Variants in CNTN4 observed in about 807,000 individuals in gnomAD.
The protein encoded by CNTN4 is contactin 4.
A neutral mutation model predicts 122.5 loss-of-function variants in CNTN4; 77 were observed. That is an observed-to-expected ratio of 0.63 (90% CI 0.52 to 0.76). The LOEUF (loss-of-function observed/expected upper bound fraction) is 0.76, where lower values mean the gene tolerates loss of function less well. CNTN4 is among the 30% of genes least tolerant of loss of function. The pLI, the probability that CNTN4 is intolerant of heterozygous loss-of-function variation, is 0.00. For missense variants in CNTN4, 1,256 were observed against 1,259.1 expected (o/e 1.00, Z 0.04); for synonymous variants, 512 against 447.0 (o/e 1.15, Z -1.83).
intron 2 of CNTN4, among the ~76,000 whole-genome samples, chr3:2,232,749 T>C (rs574315250): frequency 1.7e-4 from 26 of 152,272 alleles, no homozygotes; most frequent in Admixed American, 1.7e-3. Flanking sequence ...AGTGAAAATA[T>C]ATTTGTTTTC....
intron 4 of CNTN4, among the ~76,000 whole-genome samples, chr3:2,685,028 G>A (rs969409956): frequency 4.0e-4 from 61 of 152,148 alleles, no homozygotes; most frequent in African/African-American, 1.2e-3. Flanking sequence ...TTTACTTAGC[G>A]ATTAGCTTTT....
At chr3:2,886,142 T>C (rs1259564327) in intron 9 of CNTN4, among the ~76,000 whole-genome samples, 1 of 152,236 alleles carries the variant, frequency 6.6e-6, no homozygotes, top group Non-Finnish European at 1.5e-5. Flanking sequence ...AATTTGCAGC[T>C]ATCTTTAATT....
intron 16 of CNTN4, 38 bp downstream of exon 16, chr3:3,031,013 T>G: frequency 6.2e-7 from 1 of 1,613,448 alleles, no homozygotes; most frequent in Non-Finnish European, 8.5e-7. Context: ...CTTGAAATAT[T>G]TTCATGATAT....
chr3:2,920,361 A>G (rs1000631240), intron 12 of CNTN4, among the ~76,000 whole-genome samples: 5 of 79,302 alleles, frequency 6.3e-5, no homozygotes, highest in Non-Finnish European at 1.4e-4. Context: ...CCTTGTGACA[A>G]TAGAATAGTT....
At chr3:2,498,215 A>G (rs2076503764) in intron 3 of CNTN4, among the ~76,000 whole-genome samples, 1 of 152,202 alleles carries the variant, frequency 6.6e-6, no homozygotes. Context: ...TTGAATATAT[A>G]TGAATACTTA....
intron 4 of CNTN4, among the ~76,000 whole-genome samples, chr3:2,679,752 G>C (rs1170279974): frequency 6.6e-6 from 1 of 152,064 alleles, no homozygotes; most frequent in Non-Finnish European, 1.5e-5. Flanking sequence ...TATCTCCTGG[G>C]TCACTTCTTC....
At chr3:2,370,592 G>T (rs1291093943) in intron 3 of CNTN4, among the ~76,000 whole-genome samples, 1 of 152,060 alleles carries the variant, frequency 6.6e-6, no homozygotes, top group African/African-American at 2.4e-5. Context: ...CAAATGATTT[G>T]CATATTTTTC....
At chr3:2,882,356 A>T (rs2093921815) in intron 8 of CNTN4, among the ~76,000 whole-genome samples, 1 of 151,646 alleles carries the variant, frequency 6.6e-6, no homozygotes, top group Non-Finnish European at 1.5e-5. Context: ...ACAGAGCGAG[A>T]CTTCGTCTCG....
intron 2 of CNTN4, among the ~76,000 whole-genome samples, chr3:2,253,573 T>C (rs2040458392): frequency 6.6e-6 from 1 of 152,172 alleles, no homozygotes; most frequent in African/African-American, 2.4e-5. Context: ...TATAAGTTCC[T>C]GCTACTACTA....
chr3:2,582,429 G>C (rs2079985715), intron 4 of CNTN4, among the ~76,000 whole-genome samples: 2 of 151,806 alleles, frequency 1.3e-5, no homozygotes, highest in African/African-American at 4.8e-5. Context: ...CTCCGTTATG[G>C]AGCTTCCCTG....
intron 4 of CNTN4, among the ~76,000 whole-genome samples, chr3:2,707,528 C>T (rs2086814148): frequency 6.6e-6 from 1 of 152,108 alleles, no homozygotes; most frequent in South Asian, 2.1e-4. Context: ...TTGAAAGTCC[C>T]CTAATATTGC....
chr3:2,543,626 C>A (rs2078121789), intron 3 of CNTN4, among the ~76,000 whole-genome samples: 1 of 152,110 alleles, frequency 6.6e-6, no homozygotes, highest in Admixed American at 6.6e-5. Context: ...AAGACAATTT[C>A]ATTGCTCCAT....
At chr3:2,448,468 G>GT (rs770342516) in intron 3 of CNTN4, among the ~76,000 whole-genome samples, 9 of 152,290 alleles carry the variant, frequency 5.9e-5, no homozygotes, top group Middle Eastern at 3.4e-3. Flanking sequence ...AATGCAAGTG[G>GT]TGAAAACTCA....
chr3:2,807,210 G>A (rs1424084243), intron 6 of CNTN4, among the ~76,000 whole-genome samples: 2 of 152,140 alleles, frequency 1.3e-5, no homozygotes, highest in East Asian at 1.9e-4. Context: ...ATGAGCAATG[G>A]CATTTCTAAG....
chr3:3,045,543 C>T (rs1320317905), intron 23 of CNTN4, among the ~76,000 whole-genome samples: 1 of 152,246 alleles, frequency 6.6e-6, no homozygotes, highest in Non-Finnish European at 1.5e-5. Context: ...CTCCAGCAAA[C>T]TCCAGCAGAC....
intron 2 of CNTN4, among the ~76,000 whole-genome samples, chr3:2,122,944 G>T (rs2033896911): frequency 6.6e-6 from 1 of 152,136 alleles, no homozygotes; most frequent in South Asian, 2.1e-4. Context: ...CTCAGTTCAA[G>T]GTTGCCATGT....
At chr3:2,579,375 G>T (rs773662963) in intron 4 of CNTN4, among the ~76,000 whole-genome samples, 1 of 152,196 alleles carries the variant, frequency 6.6e-6, no homozygotes, top group Non-Finnish European at 1.5e-5. Context: ...TGAGGATGAC[G>T]GGAGCAGGAA....
intron 2 of CNTN4, among the ~76,000 whole-genome samples, chr3:2,214,742 A>G (rs17010381): frequency 0.08 from 12,235 of 152,202 alleles, 656 homozygotes; most frequent in East Asian, 0.23. Flanking sequence ...AGGATAGCAT[A>G]TCTGTGAGGA....
At chr3:2,599,080 T>G (rs1339418162) in intron 4 of CNTN4, among the ~76,000 whole-genome samples, 3 of 152,204 alleles carry the variant, frequency 2.0e-5, no homozygotes, top group Non-Finnish European at 4.4e-5. Flanking sequence ...TATAGATCAT[T>G]AAAAATAGCA....
Sources: allele counts gnomAD v4.1 joint callset (sites outside exome capture counted in the v4.1 genomes callset), GRCh38; gene constraint gnomAD v4.1.1; transcripts MANE v1.5; gene names NCBI Gene and HGNC (gene_info 2026-07-23, HGNC 2026-07-21).